The following NARF variants were observed in gnomAD, a reference collection of about 807,000 sequenced individuals.
NARF encodes the protein nuclear prelamin A recognition factor.
A neutral mutation model predicts 48.0 loss-of-function variants in NARF; 41 were observed. The observed-to-expected ratio is 0.85, with a 90% CI of 0.66 to 1.11. The LOEUF (loss-of-function observed/expected upper bound fraction) is 1.11. Ranked by LOEUF, NARF falls within the 50% of genes least tolerant of loss-of-function variation. NARF has a pLI of 0.00. For missense variants in NARF, 613 were observed against 590.2 expected (o/e 1.04, Z -0.40); for synonymous variants, 215 against 225.5 (o/e 0.95, Z 0.42).
In NARF at chr17:82,488,045, A is replaced by C. The variant is rs778251898; in HGVS notation, c.1259A>C (p.Glu420Ala). ...CCGGAGTCCAGTGCACACGTGCAGGAGCTGTACCAGGAGTGGCTGGAGGGG... is the reference window on the plus strand; with the variant it reads ...CCGGAGTCCAGTGCACACGTGCAGGCGCTGTACCAGGAGTGGCTGGAGGGG... The part of the protein sequence containing the change: ...RRPESSAHVQ[E>A]LYQEWLEGIN... The change falls in exon 11 of 11, where the codon GAG becomes GCG. Residue 420 changes from glutamate (E) to alanine (A), a missense_variant. Glu to Ala is a moderately radical substitution (Grantham distance 107). Transcript: ENST00000309794. 8 of 1,614,154 alleles carry C rather than the reference A, an allele frequency of 5.0e-6. No homozygotes were observed. The highest frequency in any genetic ancestry group is 3.3e-4 in the Middle Eastern group (2 of 6,062).
intron 2 of NARF, chr17:82,464,074 T>A (rs1391407844): frequency 3.7e-6 from 2 of 533,890 alleles, no homozygotes; most frequent in African/African-American, 3.8e-5. Context: ...CTAGTGTCAT[T>A]GTGGGCTGGG....
intron 1 of NARF, chr17:82,459,098 C>G: frequency 8.4e-7 from 1 of 1,189,180 alleles, no homozygotes; most frequent in Non-Finnish European, 1.0e-6. Context: ...GAGACCGAGC[C>G]TCTCGTGCCG....
chr17:82,487,787 C>CCCAAAG, intron 10 of NARF, 129 bp from the exon 11 acceptor site: 6 of 747,600 alleles, frequency 8.0e-6, no homozygotes, highest in East Asian at 3.4e-5. Context: ...CCCCTCCCGC[C>CCCAAAG]CAATCTCTAC....
At chr17:82,481,010 T>G (rs78524960) in intron 6 of NARF, 72 bp from the exon 7 acceptor site, 2 of 1,600,270 alleles carry the variant, frequency 1.2e-6, no homozygotes, top group African/African-American at 2.7e-5. Flanking sequence ...CCATCCCTCT[T>G]GTTCTGGGCA....
intron 10 of NARF, 34 bp from the exon 11 acceptor site, chr17:82,487,882 G>A (rs1310988104): frequency 6.2e-7 from 1 of 1,609,310 alleles, no homozygotes; most frequent in Non-Finnish European, 8.5e-7. Context: ...GATCGCCTGA[G>A]CCCAGGATAA....
At chr17:82,478,702 C>T (rs1041345324) in intron 5 of NARF, 98 bp from the exon 6 acceptor site, 6 of 1,244,268 alleles carry the variant, frequency 4.8e-6, no homozygotes, top group African/African-American at 1.5e-5. Context: ...TGGCTTCACC[C>T]TGGGGCGGCA....
intron 3 of NARF, among the ~76,000 whole-genome samples, chr17:82,466,278 C>T (rs952605183): frequency 6.6e-6 from 1 of 152,094 alleles, no homozygotes; most frequent in Admixed American, 6.6e-5. Context: ...ATATCAAATT[C>T]AGTTTTTTCC....
intron 5 of NARF, among the ~76,000 whole-genome samples, chr17:82,473,387 C>T (rs2043760367): frequency 6.7e-6 from 1 of 150,154 alleles, no homozygotes; most frequent in East Asian, 2.0e-4. Context: ...CTCCACCTCC[C>T]AGGTTCAAGC....
chr17:82,481,127 T>C lies in NARF; in HGVS notation c.685T>C (p.Tyr229His), dbSNP rs145537493. ...KIFHVIVAPC[Y>H]DKKLEALQES... ...TTTCCACGTCATTGTGGCCCCTTGTTATGACAAGAAGCTGGAGGCTCTTCA... is the reference window on the plus strand; with the variant it reads ...TTTCCACGTCATTGTGGCCCCTTGTCATGACAAGAAGCTGGAGGCTCTTCA... Residue 229 changes from tyrosine (Y) to histidine (H), a missense_variant, in exon 7 of 11, where the codon TAT becomes CAT. By Grantham distance (83) the Tyr-to-His change is moderately conservative. Coordinates refer to ENST00000309794, the MANE Select transcript of NARF (RefSeq NM_012336.4). 6.8e-6 allele frequency: 11 copies of C among 1,614,080 alleles called. No individual in the cohort carries two copies. The highest frequency in any genetic ancestry group is 9.3e-6 in the Non-Finnish European group (11 of 1,179,986).
chr17:82,464,155 G>A (rs946833045), intron 2 of NARF, 132 bp from the exon 3 acceptor site: 1 of 1,209,708 alleles, frequency 8.3e-7, no homozygotes, highest in Non-Finnish European at 1.1e-6. Flanking sequence ...CCAGCCCCTT[G>A]AGCACCAGGC....
chr17:82,468,594 T>C, intron 3 of NARF, 170 bp from the exon 4 acceptor site: 1 of 653,050 alleles, frequency 1.5e-6, no homozygotes. Context: ...CTCACCATAA[T>C]CCTGATTTTT....
chr17:82,481,269 A>T, intron 7 of NARF, 58 bp downstream of exon 7: 4 of 1,600,872 alleles, frequency 2.5e-6, no homozygotes. Flanking sequence ...TGGCCAGTAC[A>T]CACCAGAGCC....
intron 7 of NARF, chr17:82,482,325 G>T: frequency 3.1e-6 from 1 of 318,984 alleles, no homozygotes; most frequent in South Asian, 2.1e-5. Context: ...GATGTGGCAG[G>T]GGTGTTGAAG....
At chr17:82,476,039 G>T (rs985976851) in intron 5 of NARF, among the ~76,000 whole-genome samples, 1 of 151,808 alleles carries the variant, frequency 6.6e-6, no homozygotes, top group African/African-American at 2.4e-5. Context: ...ACAGAGTCTC[G>T]CTCTGTCACC....
rs751791397 is a variant in NARF, at chr17:82,483,666, T to A, written c.770-50T>A. 47 of 1,582,228 alleles carry A rather than the reference T, an allele frequency of 3.0e-5. No homozygotes were observed. In the Admixed American group the frequency reaches 7.7e-4, roughly 26 times the overall value. Reference sequence around the variant, plus strand: ...CAAATCTCCTGCAGGGGAAGAAAAGTTCCTGTGGCCACCTGTGTCTTTTCA... The same window carrying A: ...CAAATCTCCTGCAGGGGAAGAAAAGATCCTGTGGCCACCTGTGTCTTTTCA... On this transcript the variant is annotated intron_variant, in intron 7 of 10. Transcript: ENST00000309794.
intron 6 of NARF, chr17:82,479,839 C>G (rs2043919669): frequency 6.6e-6 from 1 of 152,224 alleles, no homozygotes; most frequent in South Asian, 2.1e-4. Flanking sequence ...AACATGATGT[C>G]AGAGTATACA....
chr17:82,460,935 A>C (rs1329828796), intron 2 of NARF: 2 of 151,174 alleles, frequency 1.3e-5, no homozygotes, highest in Non-Finnish European at 2.9e-5. Context: ...TCCCCTTTTG[A>C]GACAGGGTCT....
Position 82,462,322 on chromosome 17 carries a change from A to G in NARF, c.109-1965A>G, listed in dbSNP as rs559656850. On this transcript the variant is annotated intron_variant, in intron 2 of 10. Transcript: ENST00000309794. The stretch of plus-strand genomic sequence containing the variant: ...GGACAGACGTGCTCTAGGGAGAGAC[A>G]GTGGCTCCCCTTGGCCAGGTCAATG... Among the ~76,000 whole-genome samples, 99 of 152,272 alleles carry G rather than the reference A, an allele frequency of 6.5e-4. No homozygotes were observed. The South Asian group carries it at 0.021, about 32-fold the overall frequency.
Position 82,481,209 on chromosome 17 carries a change from C to A in NARF, c.767C>A (p.Ser256Ter), listed in dbSNP as rs748863395. The A allele has an allele frequency of 6.2e-7, 1 of 1,613,768 alleles. No homozygotes were observed. The highest frequency in any genetic ancestry group is 1.3e-5 in the African/African-American group (1 of 74,922). ...CGGGGCGCTGACTGCGTGTTAACAT[C>A]AGGTGAGAGGTGGGCGGGGGTGCAC... ...GSRGADCVLT[S>*]GEIAQIMEQG... The change falls in exon 7 of 11, where the codon TCA becomes TAA. Residue 256 changes from serine to a stop codon, truncating the protein, a stop_gained and splice_region_variant. Transcript: ENST00000309794. LOFTEE classifies it high-confidence loss of function.
Sources: gnomAD v4.1 joint callset for allele counts (sites outside exome capture counted in the v4.1 genomes callset) on GRCh38, gnomAD v4.1.1 for gene constraint, MANE v1.5 for transcripts, NCBI Gene and HGNC (gene_info 2026-07-23, HGNC 2026-07-21) for gene names.